ZFAT: variants seen among roughly 807,000 people sequenced by gnomAD.
ZFAT encodes zinc finger protein ZFAT.
A neutral mutation model predicts 117.7 loss-of-function variants in ZFAT; 64 were observed. The observed-to-expected ratio is 0.54, with a 90% CI of 0.44 to 0.67. The LOEUF (loss-of-function observed/expected upper bound fraction) is 0.67, where lower values mean the gene tolerates loss of function less well. ZFAT is among the 30% of genes least tolerant of loss of function. The pLI, the probability that ZFAT is intolerant of heterozygous loss-of-function variation, is 0.00. For synonymous variants in ZFAT, 679 were observed against 615.0 expected (o/e 1.10, Z -1.54); for missense variants, 1,433 against 1,584.5 (o/e 0.90, Z 1.62).
chr8:134,481,006 G>A (rs547745827), intron 15 of ZFAT, among the ~76,000 whole-genome samples: 1 of 152,312 alleles, frequency 6.6e-6, no homozygotes, highest in South Asian at 2.1e-4. Context: ...GATTTGGACT[G>A]ATAGAATTCA....
intron 1 of ZFAT, among the ~76,000 whole-genome samples, chr8:134,707,953 C>T (rs550373974): frequency 6.6e-6 from 1 of 152,274 alleles, no homozygotes; most frequent in South Asian, 2.1e-4. Flanking sequence ...CAGTGGCCAA[C>T]AACACATGAA....
chr8:134,807,447 C>A, the ZFAT span, among the ~76,000 whole-genome samples: 1 of 148,610 alleles, frequency 6.7e-6, no homozygotes, highest in South Asian at 2.1e-4. Flanking sequence ...GGAAAAAAAA[C>A]CCTCAAATGA....
the ZFAT span, among the ~76,000 whole-genome samples, chr8:134,824,399 G>A: frequency 5.3e-5 from 8 of 152,160 alleles, no homozygotes; most frequent in African/African-American, 1.9e-4. Context: ...AGTGATAAGA[G>A]CAAATATGGT....
intron 11 of ZFAT, among the ~76,000 whole-genome samples, chr8:134,537,661 A>G (rs1183164689): frequency 1.4e-5 from 2 of 145,592 alleles, no homozygotes; most frequent in Non-Finnish European, 2.9e-5. Flanking sequence ...CACTCTGGAT[A>G]CCTGGAAGTT....
intron 2 of ZFAT, among the ~76,000 whole-genome samples, chr8:134,640,247 C>A (rs966374916): frequency 6.6e-6 from 1 of 152,170 alleles, no homozygotes; most frequent in Non-Finnish European, 1.5e-5. Context: ...GCCGCAGGGA[C>A]CTTCCAAATC....
At chr8:134,667,971 G>A (rs1055941048) in intron 1 of ZFAT, among the ~76,000 whole-genome samples, 11 of 152,136 alleles carry the variant, frequency 7.2e-5, no homozygotes, top group Non-Finnish European at 1.3e-4. Flanking sequence ...TCCCGCGCAT[G>A]GCTCCGTGGG....
At chr8:134,690,206 T>C (rs35448643) in intron 1 of ZFAT, among the ~76,000 whole-genome samples, 16,122 of 152,184 alleles carry the variant, frequency 0.11, 1,075 homozygotes, top group Non-Finnish European at 0.16. Context: ...CTCCCTGACC[T>C]CCAGCGGGGT....
the ZFAT span, among the ~76,000 whole-genome samples, chr8:134,817,682 A>G: frequency 1.4e-4 from 21 of 152,348 alleles, no homozygotes; most frequent in East Asian, 4.0e-3. Flanking sequence ...AAGCTTTTTA[A>G]AAAAACTGAC....
chr8:134,486,028 G>C (rs1348287734), intron 15 of ZFAT, among the ~76,000 whole-genome samples: 1 of 152,192 alleles, frequency 6.6e-6, no homozygotes, highest in African/African-American at 2.4e-5. Flanking sequence ...GGTTTCATCA[G>C]ACCACGCAGA....
chr8:134,728,510 G>C, the ZFAT span, among the ~76,000 whole-genome samples: 1 of 152,216 alleles, frequency 6.6e-6, no homozygotes, highest in South Asian at 2.1e-4. Flanking sequence ...TAGAGGGACT[G>C]GCTGGAAAAT....
At chr8:134,825,283 T>C in the ZFAT span, among the ~76,000 whole-genome samples, 3 of 152,216 alleles carry the variant, frequency 2.0e-5, no homozygotes, top group African/African-American at 7.2e-5. Context: ...GCTCAACATG[T>C]TTTAGAACGA....
At chr8:134,616,122 A>G (rs1031611189) in intron 3 of ZFAT, among the ~76,000 whole-genome samples, 5 of 152,078 alleles carry the variant, frequency 3.3e-5, no homozygotes, top group African/African-American at 9.7e-5. Context: ...ATGGAGAGAA[A>G]TATCAGGTTC....
the ZFAT span, chr8:134,766,071 C>T: frequency 2.0e-5 from 3 of 152,228 alleles, no homozygotes; most frequent in South Asian, 2.1e-4. Flanking sequence ...CTATTTCCTA[C>T]ATTTGACTTG....
At chr8:134,723,503 G>A in the ZFAT span, 1 of 152,500 alleles carries the variant, frequency 6.6e-6, no homozygotes, top group Non-Finnish European at 1.5e-5. Flanking sequence ...CCAGGACAGG[G>A]CCTGTGCAGA....
the ZFAT span, among the ~76,000 whole-genome samples, chr8:134,820,727 T>C: frequency 1.3e-5 from 2 of 152,316 alleles, no homozygotes; most frequent in South Asian, 4.1e-4. Flanking sequence ...AAACCTGATG[T>C]CAACAGAATA....
At chr8:134,711,558 GTTGCAGTGACCCGAGA>G (rs759178641) in intron 1 of ZFAT, among the ~76,000 whole-genome samples, 19 of 152,116 alleles carry the variant, frequency 1.2e-4, no homozygotes, top group Non-Finnish European at 2.5e-4. Flanking sequence ...GGAGGCAGAG[GTTGCAGTGACCCGAGA>G]TTGCACCATT....
chr8:134,594,737 AG>A (rs1386059460), intron 7 of ZFAT: 2 of 152,102 alleles, frequency 1.3e-5, no homozygotes, highest in Non-Finnish European at 2.9e-5. Context: ...CTTCATTTCC[AG>A]GGGATTTGTT....
At chr8:134,660,856 A>G (rs1831889169) in intron 1 of ZFAT, among the ~76,000 whole-genome samples, 1 of 152,256 alleles carries the variant, frequency 6.6e-6, no homozygotes, top group Non-Finnish European at 1.5e-5. Context: ...ACTACTGGAA[A>G]TAAACTACTG....
the ZFAT span, among the ~76,000 whole-genome samples, chr8:134,730,743 C>T: frequency 1.3e-5 from 2 of 152,084 alleles, no homozygotes; most frequent in Admixed American, 6.5e-5. Flanking sequence ...AGATGGGGGA[C>T]CTGAAGCCCA....
Sources: gnomAD v4.1 joint callset for allele counts (sites outside exome capture counted in the v4.1 genomes callset) on GRCh38, gnomAD v4.1.1 for gene constraint, MANE v1.5 for transcripts, NCBI Gene and HGNC (gene_info 2026-07-23, HGNC 2026-07-21) for gene names.